The following SUPT6H variants were observed in gnomAD, a reference collection of about 807,000 sequenced individuals.
SUPT6H encodes the protein transcription elongation factor SPT6.
Under a neutral mutation model 222.3 loss-of-function variants are expected in SUPT6H, and 11 were observed. The ratio of observed to expected loss-of-function variants is 0.05; its 90% CI spans 0.03 to 0.08. SUPT6H has a LOEUF of 0.08. Among genes scored for constraint, SUPT6H ranks in the 10% least tolerant of loss-of-function variants. The probability of loss-of-function intolerance (pLI) is 1.00; values close to 1 mark genes in which losing one functional copy is unlikely to be tolerated. For missense variants in SUPT6H, 1,422 were observed against 2,216.0 expected (o/e 0.64, Z 7.19); for synonymous variants, 762 against 801.2 (o/e 0.95, Z 0.83).
intron 1 of SUPT6H, among the ~76,000 whole-genome samples, chr17:28,667,980 A>G (rs889314970): frequency 5.3e-5 from 8 of 151,562 alleles, no homozygotes; most frequent in Admixed American, 3.3e-4. Flanking sequence ...ATCTCTTTTC[A>G]CTCTGGTCTC....
At chr17:28,673,129 T>G in intron 1 of SUPT6H, among the ~76,000 whole-genome samples, 2 of 140,950 alleles carry the variant, frequency 1.4e-5, no homozygotes. Flanking sequence ...CCAGCCTGGG[T>G]GAGAGAGTGA....
At chr17:28,691,117 G>T (rs781178225) in intron 27 of SUPT6H, 54 bp downstream of exon 27, 1 of 1,575,344 alleles carries the variant, frequency 6.3e-7, no homozygotes, top group Non-Finnish European at 8.6e-7. Context: ...GAATGATCTC[G>T]GTGCCTAGAA....
chr17:28,693,741 G>A lies in SUPT6H; in HGVS notation c.3679G>A (p.Gly1227Ser). The A allele has an allele frequency of 6.2e-7, 1 of 1,614,174 alleles. No individual in the cohort carries two copies. The highest frequency in any genetic ancestry group is 2.2e-5 in the East Asian group (1 of 44,886). ...CGGTTCGTGCCCAGGCCAGGCCATC[G>A]GTGTCAAAACACGGCTAGACAATGG... ...DSGSCPGQAI[G>S]VKTRLDNGVT... is the part of the protein sequence containing the mutation. The change falls in exon 28 of 37, where the codon GGT becomes AGT. Residue 1227 changes from glycine to serine, a missense_variant. Coordinates refer to ENST00000314616, the MANE Select transcript of SUPT6H (RefSeq NM_003170.5).
intron 33 of SUPT6H, 118 bp from the exon 34 acceptor site, chr17:28,700,055 T>A (rs1177002737): frequency 5.4e-6 from 8 of 1,484,802 alleles, no homozygotes; most frequent in Non-Finnish European, 9.3e-7. Flanking sequence ...CTCCATCCAC[T>A]GTGCCTATGC....
chr17:28,693,940 G>A, intron 28 of SUPT6H, 104 bp downstream of exon 28: 1 of 1,449,740 alleles, frequency 6.9e-7, no homozygotes, highest in Non-Finnish European at 9.5e-7. Context: ...TCTGTTCCCA[G>A]TGGCTGCTGG....
At chr17:28,672,585 TG>T (rs1439064341) in intron 1 of SUPT6H, 1 of 152,064 alleles carries the variant, frequency 6.6e-6, no homozygotes, top group East Asian at 1.9e-4. Flanking sequence ...GGATAATTTT[TG>T]TATTTTTAGT....
At chr17:28,670,373 G>A (rs2030340333) in intron 1 of SUPT6H, 1 of 152,152 alleles carries the variant, frequency 6.6e-6, no homozygotes, top group Admixed American at 6.5e-5. Context: ...CACTTGGTAG[G>A]TGTGTAATAA....
At position 28,681,875 on chromosome 17, in the gene SUPT6H, T is replaced by C. The variant is rs762235375; in HGVS notation, c.1499-7T>C. The C allele has an allele frequency of 3.1e-5, 49 of 1,604,452 alleles. No homozygotes were observed. Among genetic ancestry groups the C allele is most frequent in the Non-Finnish European group, 3.7e-5 (44 of 1,176,662 alleles). ...GAACCCTAAATCTCCCCATGTTTTC[T>C]TCCCAGGTGAAGGTGACGAGGCAGA... On this transcript the variant is annotated splice_region_variant and splice_polypyrimidine_tract_variant and intron_variant, in intron 12 of 36. Transcript: ENST00000314616.
At chr17:28,678,401 G>A in intron 9 of SUPT6H, 144 bp from the exon 10 acceptor site, 1 of 892,370 alleles carries the variant, frequency 1.1e-6, no homozygotes, top group Non-Finnish European at 1.8e-6. Context: ...AAAGCACCAG[G>A]CCCTGGAAGG....
Position 28,681,265 on chromosome 17 carries a change from T to A in SUPT6H, c.1359T>A (p.Asp453Glu), listed in dbSNP as rs533713495. Reference protein sequence around the residue: ...LDTTDMERLKDVQSMDELKDV... With the variant: ...LDTTDMERLKEVQSMDELKDV... ...GTCTCTTCTTTTTCAGGCTCAAGGA[T>A]GTCCAATCAATGGATGAGCTGAAAG... is the stretch of plus-strand genomic sequence containing the variant. The change falls in exon 12 of 37, where the codon GAT (aspartate) becomes GAA (glutamate). Residue 453 changes from aspartate (D) to glutamate (E), a missense_variant. This residue lies in a region of SUPT6H where 389 missense variants were observed against 544.6 expected (regional missense o/e 0.71). Coordinates refer to ENST00000314616, the MANE Select transcript of SUPT6H (RefSeq NM_003170.5). The A allele has an allele frequency of 2.6e-5, 42 of 1,613,784 alleles. No individual in the cohort carries two copies. The highest frequency in any genetic ancestry group is 3.5e-5 in the Non-Finnish European group (41 of 1,179,964).
chr17:28,667,403 GTGTATATATATA>G lies in SUPT6H; in HGVS notation c.-32+5063_-32+5074del, dbSNP rs1376346802. Among the ~76,000 whole-genome samples, 122 of 42,366 alleles carry G rather than the reference GTGTATATATATA, an allele frequency of 2.9e-3. 1 individual carries two copies. The highest frequency in any genetic ancestry group is 6.4e-3 in the African/African-American group (96 of 14,890). The allele number at this position is 42,366 out of a possible 152,430, so 27.8% of individuals were successfully genotyped here. A position where few individuals can be genotyped will look rare whatever the true frequency, so the allele number is the denominator to read the frequency against. On this transcript the variant is annotated intron_variant, in intron 1 of 36. Transcript: ENST00000314616. Reference sequence around the variant, plus strand: ...AAAAAAAAAAAAAAAAAGTGTGTGTGTGTATATATATATATATATATATATATATATATGTAT... The same window carrying G: ...AAAAAAAAAAAAAAAAAGTGTGTGTGTATATATATATATATATATATGTAT...
At chr17:28,671,734 C>G (rs575424382) in intron 1 of SUPT6H, among the ~76,000 whole-genome samples, 3 of 152,184 alleles carry the variant, frequency 2.0e-5, no homozygotes, top group Non-Finnish European at 4.4e-5. Context: ...GAAAATTAGG[C>G]TCAGGATTCA....
intron 11 of SUPT6H, 111 bp from the exon 12 acceptor site, chr17:28,681,145 G>T: frequency 2.6e-6 from 3 of 1,144,974 alleles, no homozygotes; most frequent in Non-Finnish European, 3.8e-6. Flanking sequence ...AACTGGTTGG[G>T]ATCCCATTTT....
chr17:28,701,725 G>A lies in SUPT6H; in HGVS notation c.*100G>A, dbSNP rs570618485. 14 of 1,314,752 alleles carry A rather than the reference G, an allele frequency of 1.1e-5. No homozygotes were observed. The highest frequency in any genetic ancestry group is 2.8e-5 in the South Asian group (2 of 71,120). 81.4% of individuals were successfully genotyped at this position (1,314,752 alleles called of 1,614,324 possible). ...CCTCCTTTTATGTCCATAAAGTGGCGTGAAGTGAGACGTTCTCTTTGGTGG... is the reference window on the plus strand; with the variant it reads ...CCTCCTTTTATGTCCATAAAGTGGCATGAAGTGAGACGTTCTCTTTGGTGG... On this transcript the variant is annotated 3_prime_UTR_variant, in exon 37 of 37. Transcript: ENST00000314616.
intron 32 of SUPT6H, 54 bp from the exon 33 acceptor site, chr17:28,699,727 T>G (rs988757968): frequency 1.3e-6 from 2 of 1,483,718 alleles, no homozygotes; most frequent in African/African-American, 2.8e-5. Context: ...TTCTGGTCGC[T>G]CTTGTGGTGG....
At chr17:28,695,176 T>C (rs1293752313) in intron 28 of SUPT6H, 176 bp from the exon 29 acceptor site, 2 of 637,624 alleles carry the variant, frequency 3.1e-6, no homozygotes, top group Non-Finnish European at 5.4e-6. Flanking sequence ...GCCTGTAGTC[T>C]ACAGACAAGA....
chr17:28,681,314 T>G lies in SUPT6H; in HGVS notation c.1408T>G (p.Tyr470Asp). The G allele has an allele frequency of 6.2e-7, 1 of 1,614,054 alleles. No homozygotes were observed. Among genetic ancestry groups the G allele is most frequent in the Non-Finnish European group, 8.5e-7 (1 of 1,180,010 alleles). ...LKDVYNHFLL[Y>D]YGRDIPKMQN... ...AGATGTCTACAACCATTTTCTTCTT[T>G]ATTATGGCCGAGACATCCCTAAGAT... The change falls in exon 12 of 37, where the codon TAT becomes GAT. Residue 470 changes from tyrosine (Y) to aspartate (D), a missense_variant. Coordinates refer to ENST00000314616, the MANE Select transcript of SUPT6H (RefSeq NM_003170.5).
At chr17:28,698,892 G>A (rs1266014733) in intron 32 of SUPT6H, among the ~76,000 whole-genome samples, 1 of 152,202 alleles carries the variant, frequency 6.6e-6, no homozygotes, top group African/African-American at 2.4e-5. Flanking sequence ...CCAGCAGCCA[G>A]GGCTAAGTGG....
Position 28,686,355 on chromosome 17 carries a change from C to G in SUPT6H, c.2504C>G (p.Thr835Arg), listed in dbSNP as rs149704738. The change falls in exon 20 of 37, where the codon ACG becomes AGG. Residue 835 changes from threonine (T) to arginine (R), a missense_variant. Coordinates refer to ENST00000314616, the MANE Select transcript of SUPT6H (RefSeq NM_003170.5). ...TCAATCCAGGCTCAAGACATTGAAA[C>G]GCTAAAGAAATTTCTCCTGAATAAG... ...EREKKAQDIE[T>R]LKKFLLNKKP... 7.4e-6 allele frequency: 12 copies of G among 1,614,042 alleles called. No homozygotes were observed. The highest frequency in any genetic ancestry group is 1.0e-5 in the Non-Finnish European group (12 of 1,180,016).
Sources: gnomAD v4.1 joint callset for allele counts (sites outside exome capture counted in the v4.1 genomes callset) on GRCh38, gnomAD v4.1.1 for gene constraint, gnomAD v4.1.1 regional missense constraint, MANE v1.5 for transcripts, NCBI Gene and HGNC (gene_info 2026-07-23, HGNC 2026-07-21) for gene names.